Variants in SNX29 observed in about 807,000 individuals in gnomAD.
SNX29 encodes sorting nexin 29, also known as sorting nexin-29.
A neutral mutation model predicts 102.1 loss-of-function variants in SNX29; 78 were observed. The observed-to-expected ratio is 0.76, with a 90% CI of 0.64 to 0.92. The LOEUF (loss-of-function observed/expected upper bound fraction) is 0.92, where lower values mean the gene tolerates loss of function less well. Ranked by LOEUF, SNX29 falls within the 40% of genes least tolerant of loss-of-function variation. The pLI is 0.00. For synonymous variants in SNX29, 580 were observed against 414.5 expected (o/e 1.40, Z -4.85); for missense variants, 1,280 against 1,061.7 (o/e 1.21, Z -2.86).
chr16:12,471,013 G>C (rs2087311703), intron 18 of SNX29, among the ~76,000 whole-genome samples: 1 of 152,180 alleles, frequency 6.6e-6, no homozygotes, highest in Non-Finnish European at 1.5e-5. Context: ...TAACTGTGGG[G>C]ACGTGAACCC....
intron 15 of SNX29, among the ~76,000 whole-genome samples, chr16:12,353,572 G>T (rs575996172): frequency 3.3e-5 from 5 of 152,192 alleles, no homozygotes; most frequent in Non-Finnish European, 7.3e-5. Context: ...AAGGCCCGAT[G>T]CCTGAACCAC....
At chr16:12,397,038 G>A (rs537038725) in intron 16 of SNX29, among the ~76,000 whole-genome samples, 6 of 152,272 alleles carry the variant, frequency 3.9e-5, no homozygotes, top group Admixed American at 2.6e-4. Flanking sequence ...GGCTTCTGCC[G>A]CCATGCCTGG....
At chr16:12,054,200 T>G (rs191374192) in intron 8 of SNX29, among the ~76,000 whole-genome samples, 3 of 152,302 alleles carry the variant, frequency 2.0e-5, no homozygotes, top group Admixed American at 2.0e-4. Flanking sequence ...ACTCCTGATC[T>G]CGTGATCTGC....
chr16:11,995,822 G>A (rs2056050050), intron 1 of SNX29, among the ~76,000 whole-genome samples: 1 of 152,082 alleles, frequency 6.6e-6, no homozygotes, highest in Admixed American at 6.6e-5. Flanking sequence ...AGCACTTTGG[G>A]AGGCCGAGGT....
chr16:12,006,544 A>C (rs186982123), intron 3 of SNX29, among the ~76,000 whole-genome samples: 1 of 151,512 alleles, frequency 6.6e-6, no homozygotes, highest in East Asian at 1.9e-4. Flanking sequence ...AGCAATAATA[A>C]TAGTTATAGT....
chr16:12,202,973 G>A (rs977722020), intron 14 of SNX29, among the ~76,000 whole-genome samples: 5 of 152,034 alleles, frequency 3.3e-5, no homozygotes, highest in Non-Finnish European at 7.4e-5. Context: ...AAGTTGTGTA[G>A]CATGGCCCCG....
At chr16:12,561,587 G>A (rs550607135) in intron 20 of SNX29, among the ~76,000 whole-genome samples, 13 of 152,126 alleles carry the variant, frequency 8.5e-5, no homozygotes, top group East Asian at 3.9e-4. Context: ...AATGTCAGCC[G>A]CATGCTGGTG....
At chr16:12,240,023 C>T (rs531473444) in intron 14 of SNX29, among the ~76,000 whole-genome samples, 1 of 152,276 alleles carries the variant, frequency 6.6e-6, no homozygotes, top group South Asian at 2.1e-4. Context: ...CTAGGTAAAT[C>T]ATTTTGCATT....
At chr16:12,439,469 G>A (rs756288217) in intron 18 of SNX29, among the ~76,000 whole-genome samples, 1 of 151,710 alleles carries the variant, frequency 6.6e-6, no homozygotes, top group Non-Finnish European at 1.5e-5. Flanking sequence ...CAGTTCCCAT[G>A]ACTGGGGAGG....
At chr16:12,039,279 A>C (rs1287496742) in intron 4 of SNX29, among the ~76,000 whole-genome samples, 1 of 152,188 alleles carries the variant, frequency 6.6e-6, no homozygotes, top group Non-Finnish European at 1.5e-5. Context: ...TAGTTACCCC[A>C]GTAACCCTGG....
intron 3 of SNX29, among the ~76,000 whole-genome samples, chr16:12,009,626 C>T (rs1279141552): frequency 1.3e-5 from 2 of 151,964 alleles, no homozygotes; most frequent in Non-Finnish European, 2.9e-5. Context: ...GAGAAGCCTC[C>T]CCAGGAGGAA....
intron 11 of SNX29, chr16:12,093,734 A>G (rs555987346): frequency 3.9e-5 from 6 of 152,300 alleles, no homozygotes; most frequent in East Asian, 3.9e-4. Flanking sequence ...TGTCTGTTGT[A>G]TCTGGGAACC....
intron 15 of SNX29, among the ~76,000 whole-genome samples, chr16:12,331,207 G>A (rs531446713): frequency 6.6e-6 from 1 of 151,350 alleles, no homozygotes; most frequent in Non-Finnish European, 1.5e-5. Context: ...CAGGCTGCTG[G>A]GCTTGGCTGC....
At chr16:12,349,134 C>G (rs1329540102) in intron 15 of SNX29, among the ~76,000 whole-genome samples, 3 of 152,220 alleles carry the variant, frequency 2.0e-5, no homozygotes, top group Non-Finnish European at 4.4e-5. Context: ...TTTAGACAGG[C>G]CACTTGCCCC....
chr16:12,044,123 C>T (rs752290129), intron 5 of SNX29, among the ~76,000 whole-genome samples: 3 of 152,140 alleles, frequency 2.0e-5, no homozygotes, highest in Middle Eastern at 3.2e-3. Context: ...TGATACGGAG[C>T]GACACTGACG....
intron 16 of SNX29, among the ~76,000 whole-genome samples, chr16:12,387,135 T>G (rs1366059656): frequency 1.5e-5 from 2 of 130,904 alleles, no homozygotes. Context: ...ATTAAAAAAA[T>G]AAAAAAAAAA....
At chr16:12,376,502 G>A (rs1290998978) in intron 16 of SNX29, among the ~76,000 whole-genome samples, 3 of 152,136 alleles carry the variant, frequency 2.0e-5, no homozygotes, top group South Asian at 2.1e-4. Flanking sequence ...TTGGGAGGCC[G>A]AGGCAGGTGG....
intron 10 of SNX29, among the ~76,000 whole-genome samples, chr16:12,078,138 C>T (rs561538132): frequency 6.6e-6 from 1 of 152,254 alleles, no homozygotes; most frequent in East Asian, 1.9e-4. Context: ...TCGGCAGTAC[C>T]ACTTCAGCAC....
intron 20 of SNX29, among the ~76,000 whole-genome samples, chr16:12,547,173 G>C (rs1022594797): frequency 6.6e-6 from 1 of 152,212 alleles, no homozygotes; most frequent in African/African-American, 2.4e-5. Context: ...GCTGTTTATG[G>C]TCTAGGAAGA....
Sources: allele counts gnomAD v4.1 joint callset (sites outside exome capture counted in the v4.1 genomes callset), GRCh38; gene constraint gnomAD v4.1.1; transcripts MANE v1.5; gene names NCBI Gene and HGNC (gene_info 2026-07-23, HGNC 2026-07-21).